The following OR8G1 variants were observed in gnomAD, a reference collection of about 807,000 sequenced individuals.
The protein encoded by OR8G1 is olfactory receptor 8G1.
For synonymous variants in OR8G1, 129 were observed against 133.3 expected, an observed-to-expected ratio of 0.97 and a Z score of 0.22; for missense variants, 372 against 356.2, an observed-to-expected ratio of 1.04 and a Z score of -0.36.
In OR8G1 at chr11:124,250,126, A is replaced by T; in HGVS notation, c.451A>T (p.Ile151Leu). 6.2e-7 allele frequency: 1 copy of T among 1,613,746 alleles called. No homozygotes were observed. The highest frequency in any genetic ancestry group is 8.5e-7 in the Non-Finnish European group (1 of 1,179,808). ...CFSLILGVYI[I>L]GLVCASVHTG... ...TTCTCTGATTTTAGGGGTGTATATAATAGGCCTGGTTTGTGCATCAGTTCA... is the reference window on the plus strand; with the variant it reads ...TTCTCTGATTTTAGGGGTGTATATATTAGGCCTGGTTTGTGCATCAGTTCA... Residue 151 changes from isoleucine (I) to leucine (L), a missense_variant, in exon 3 of 3, where the codon ATA becomes TTA. Ile to Leu is a conservative substitution (Grantham distance 5). Transcript: ENST00000641972.
chr11:124,250,177 T>C lies in OR8G1; in HGVS notation c.502T>C (p.Phe168Leu), dbSNP rs201025260. 651 of 1,613,720 alleles carry C rather than the reference T, an allele frequency of 4.0e-4. No individual in the cohort carries two copies. Among genetic ancestry groups the C allele is most frequent in the Admixed American group, 5.2e-4 (31 of 59,904 alleles). The change falls in exon 3 of 3, where the codon TTC (phenylalanine) becomes CTC (leucine). Residue 168 changes from phenylalanine to leucine, a missense_variant. Transcript: ENST00000641972. ...TACAGGCTGTATGTTTAGGGTTCAATTCTGCAAATTTGATTTGATTAACCA... is the reference window on the plus strand; with the variant it reads ...TACAGGCTGTATGTTTAGGGTTCAACTCTGCAAATTTGATTTGATTAACCA... ...VHTGCMFRVQ[F>L]CKFDLINHYF...
chr11:124,250,540 A>G lies in OR8G1; in HGVS notation c.865A>G (p.Ile289Val). Residue 289 changes from isoleucine (I) to valine (V), a missense_variant, in exon 3 of 3, where the codon ATT (isoleucine) becomes GTT (valine). Physicochemically the swap from Ile to Val is conservative, Grantham distance 29. Transcript: ENST00000641972. ...TIIVPMLNPLIYSLRNKDVHV... is the reference protein window; with the variant it reads ...TIIVPMLNPLVYSLRNKDVHV... Reference sequence around the variant, plus strand: ...TATTGTGCCCATGTTGAACCCTCTGATTTATAGCCTGAGGAATAAAGATGT... The same window carrying G: ...TATTGTGCCCATGTTGAACCCTCTGGTTTATAGCCTGAGGAATAAAGATGT... 2 of 1,181,402 alleles carry G rather than the reference A, an allele frequency of 1.7e-6. 1 individual carries two copies. Among genetic ancestry groups the G allele is most frequent in the South Asian group, 4.3e-5 (2 of 46,608 alleles). The allele number at this position is 1,181,402 out of a possible 1,614,324, so 73.2% of individuals were successfully genotyped here. A position where few individuals can be genotyped will look rare whatever the true frequency, so the allele number is the denominator to read the frequency against.
At chr11:124,244,225 A>G (rs1452365807) in intron 1 of OR8G1, among the ~76,000 whole-genome samples, 1 of 152,008 alleles carries the variant, frequency 6.6e-6, no homozygotes, top group African/African-American at 2.4e-5. Context: ...TACTGGAACT[A>G]TTCTACAAAG....
At position 124,252,334 on chromosome 11, in the gene OR8G1, CTAAGTA is replaced by C. The variant is rs928033754; in HGVS notation, c.*1727_*1732del. 1.2e-4 allele frequency: 19 copies of C among 152,118 alleles called. No homozygotes were observed. The South Asian group carries it at 1.9e-3, about 15-fold the overall frequency. The allele number at this position is 152,118 out of a possible 1,614,324, so 9.4% of individuals were successfully genotyped here. A position where few individuals can be genotyped will look rare whatever the true frequency, so the allele number is the denominator to read the frequency against. ...TACTTATTTGCTATTACTAGTGTAT[CTAAGTA>C]TAACTAGTGAAAAAATTGCCAGGAT... On this transcript the variant is annotated 3_prime_UTR_variant, in exon 3 of 3. Coordinates refer to ENST00000641972, the MANE Select transcript of OR8G1 (RefSeq NM_001002905.2).
At chr11:124,244,287 A>T (rs1262756567) in intron 1 of OR8G1, among the ~76,000 whole-genome samples, 1 of 151,972 alleles carries the variant, frequency 6.6e-6, no homozygotes, top group Non-Finnish European at 1.5e-5. Flanking sequence ...GTGATTCAGG[A>T]ACTTTTATTT....
Position 124,254,125 on chromosome 11 carries a change from C to T in OR8G1, c.*3514C>T, listed in dbSNP as rs1302101082. 1 of 152,090 alleles carries T rather than the reference C, an allele frequency of 6.6e-6. No individual in the cohort carries two copies. The highest frequency in any genetic ancestry group is 2.4e-5 in the African/African-American group (1 of 41,432). The allele number at this position is 152,090 out of a possible 1,614,324, so 9.4% of individuals were successfully genotyped here. A position where few individuals can be genotyped will look rare whatever the true frequency, so the allele number is the denominator to read the frequency against. On this transcript the variant is annotated 3_prime_UTR_variant, in exon 3 of 3. Coordinates refer to ENST00000641972, the MANE Select transcript of OR8G1 (RefSeq NM_001002905.2). ...TTTTGAGGAAGCTTTATGCTGTTTT[C>T]CATAATGACTGTACTAATTTACATT...
At position 124,252,248 on chromosome 11, in the gene OR8G1, G is replaced by A. The variant is rs1214044556; in HGVS notation, c.*1637G>A. The A allele has an allele frequency of 1.3e-5, 2 of 152,102 alleles. No individual in the cohort carries two copies. The highest frequency in any genetic ancestry group is 4.8e-5 in the African/African-American group (2 of 41,420). The allele number at this position is 152,102 out of a possible 1,614,324, so 9.4% of individuals were successfully genotyped here. On this transcript the variant is annotated 3_prime_UTR_variant, in exon 3 of 3. Transcript: ENST00000641972. ...AACCTGAGTCTGGGAAGATTCAACTGTTAATCTATTTCTTCCATGTGGAGC... is the reference window on the plus strand; with the variant it reads ...AACCTGAGTCTGGGAAGATTCAACTATTAATCTATTTCTTCCATGTGGAGC...
In OR8G1 at chr11:124,250,089, T is replaced by C; in HGVS notation, c.414T>C (p.Asn138=). Reference sequence around the variant, plus strand: ...TGCTGTACAGTGTCATCATATCCAATAAGGCTTGCTTTTCTCTGATTTTAG... The same window carrying C: ...TGCTGTACAGTGTCATCATATCCAACAAGGCTTGCTTTTCTCTGATTTTAG... ...SPLLYSVIIS[N]KACFSLILGV... is the part of the protein sequence containing the mutation. Residue 138 remains asparagine, a synonymous_variant, in exon 3 of 3, where the codon AAT becomes AAC. Coordinates refer to ENST00000641972, the MANE Select transcript of OR8G1 (RefSeq NM_001002905.2). 1 of 1,613,814 alleles carries C rather than the reference T, an allele frequency of 6.2e-7. No homozygotes were observed. The highest frequency in any genetic ancestry group is 1.1e-5 in the South Asian group (1 of 91,084).
At chr11:124,247,306 T>C (rs949446164) in intron 1 of OR8G1, among the ~76,000 whole-genome samples, 2 of 151,842 alleles carry the variant, frequency 1.3e-5, no homozygotes, top group African/African-American at 4.8e-5. Flanking sequence ...CATAAATTAC[T>C]GATTTTAGGA....
In OR8G1 at chr11:124,247,944, C is replaced by T. The variant is rs1290751461; in HGVS notation, c.-17+64C>T. ...TCTGTTTAAATTTATACTAAATTGC[C>T]AACATCTTTTCCAAAGTGGTTGGAC... On this transcript the variant is annotated intron_variant, in intron 2 of 2. Coordinates refer to ENST00000641972, the MANE Select transcript of OR8G1 (RefSeq NM_001002905.2). 3 of 151,806 alleles carry T rather than the reference C, an allele frequency of 2.0e-5. No individual in the cohort carries two copies. The East Asian group carries it at 5.8e-4, about 29-fold the overall frequency. The allele number at this position is 151,806 out of a possible 1,614,324, so 9.4% of individuals were successfully genotyped here. A position where few individuals can be genotyped will look rare whatever the true frequency, so the allele number is the denominator to read the frequency against.
chr11:124,249,674 A>T lies in OR8G1; in HGVS notation c.-2A>T. On this transcript the variant is annotated 5_prime_UTR_variant, in exon 3 of 3. Transcript: ENST00000641972. ...TCTTCCTGCAGAAACTGACTGGAGG[A>T]GATGTCAGGAGAAAATAATTCCTCA... 2.5e-6 allele frequency: 4 copies of T among 1,611,520 alleles called. No individual in the cohort carries two copies. The highest frequency in any genetic ancestry group is 3.4e-6 in the Non-Finnish European group (4 of 1,178,664).
intron 2 of OR8G1, among the ~76,000 whole-genome samples, 154 bp downstream of exon 2, chr11:124,248,034 A>T (rs1452117970): frequency 1.3e-5 from 2 of 151,852 alleles, no homozygotes; most frequent in East Asian, 3.9e-4. Context: ...GTATTGTTGG[A>T]GTTGTTTCAT....
At position 124,252,497 on chromosome 11, in the gene OR8G1, T is replaced by A. The variant is rs1861874985; in HGVS notation, c.*1886T>A. The A allele has an allele frequency of 6.6e-6, 1 of 152,180 alleles. No homozygotes were observed. Among genetic ancestry groups the A allele is most frequent in the Admixed American group, 6.6e-5 (1 of 15,262 alleles). The allele number at this position is 152,180 out of a possible 1,614,324, so 9.4% of individuals were successfully genotyped here. A position where few individuals can be genotyped will look rare whatever the true frequency, so the allele number is the denominator to read the frequency against. ...TATGTTCTCTTTCAGAAAAACTATCTCTTTTTCTTCTTAGCTTGCATTGCT... is the reference window on the plus strand; with the variant it reads ...TATGTTCTCTTTCAGAAAAACTATCACTTTTTCTTCTTAGCTTGCATTGCT... On this transcript the variant is annotated 3_prime_UTR_variant, in exon 3 of 3. Transcript: ENST00000641972.
rs752802783 is a variant in OR8G1 at position 124,249,825 on chromosome 11, G to C, written c.150G>C (p.Trp50Cys). 6 of 1,613,938 alleles carry C rather than the reference G, an allele frequency of 3.7e-6. No individual in the cohort carries two copies. The highest frequency in any genetic ancestry group is 5.1e-6 in the Non-Finnish European group (6 of 1,179,958). The change falls in exon 3 of 3, where the codon TGG becomes TGC. Residue 50 changes from tryptophan to cysteine, a missense_variant. Trp to Cys is a radical substitution (Grantham distance 215). Transcript: ENST00000641972. ...VGNLGMTTLI[W>C]LSSHLHTPMY... is the part of the protein sequence containing the mutation. ...ACCTGGGCATGACCACACTGATTTG[G>C]CTCAGTTCTCACCTGCACACCCCTA...
At chr11:124,242,649 T>A (rs1861771689) in intron 1 of OR8G1, among the ~76,000 whole-genome samples, 1 of 152,044 alleles carries the variant, frequency 6.6e-6, no homozygotes, top group Non-Finnish European at 1.5e-5. Context: ...TTATTTTTTT[T>A]ATAAATGAAA....
chr11:124,249,668 T>A lies in OR8G1; in HGVS notation c.-8T>A. 6.2e-7 allele frequency: 1 copy of A among 1,610,704 alleles called. No individual in the cohort carries two copies. The highest frequency in any genetic ancestry group is 1.1e-5 in the South Asian group (1 of 90,802). On this transcript the variant is annotated 5_prime_UTR_variant, in exon 3 of 3. Transcript: ENST00000641972. ...TTTTTCTCTTCCTGCAGAAACTGAC[T>A]GGAGGAGATGTCAGGAGAAAATAAT...
chr11:124,250,267 C>A lies in OR8G1; in HGVS notation c.592C>A (p.Leu198Ile). 11 of 1,613,754 alleles carry A rather than the reference C, an allele frequency of 6.8e-6. No homozygotes were observed. The highest frequency in any genetic ancestry group is 1.7e-5 in the Admixed American group (1 of 59,926). The change falls in exon 3 of 3, where the codon CTT (leucine) becomes ATT (isoleucine). Residue 198 changes from leucine (L) to isoleucine (I), a missense_variant. Coordinates refer to ENST00000641972, the MANE Select transcript of OR8G1 (RefSeq NM_001002905.2). Reference sequence around the variant, plus strand: ...CTCTAGTATCTATGTCAACAAACTACTTATTCTATGTGTTGGTGCATTTAA... The same window carrying A: ...CTCTAGTATCTATGTCAACAAACTAATTATTCTATGTGTTGGTGCATTTAA... ...SCSSIYVNKL[L>I]ILCVGAFNIL... is the part of the protein sequence containing the mutation.
Position 124,253,128 on chromosome 11 carries a change from CTATT to C in OR8G1, c.*2521_*2524del, listed in dbSNP as rs765903388. On this transcript the variant is annotated 3_prime_UTR_variant, in exon 3 of 3. Transcript: ENST00000641972. ...CAATAATTTAAAGTCCGTTAGAAAA[CTATT>C]TATGTTTGCTGAGTGCAGTGGCTCA... 2.1e-4 allele frequency: 32 copies of C among 152,264 alleles called. No homozygotes were observed. Among genetic ancestry groups the C allele is most frequent in the Non-Finnish European group, 4.0e-4 (27 of 68,012 alleles). The allele number at this position is 152,264 out of a possible 1,614,324, so 9.4% of individuals were successfully genotyped here.
In OR8G1 at chr11:124,250,803, G is replaced by T; in HGVS notation, c.*192G>T. ...GGGGTTTTAACTCATATGTATCAATGAGACACAAATTAATATAAATACTAA... is the reference window on the plus strand; with the variant it reads ...GGGGTTTTAACTCATATGTATCAATTAGACACAAATTAATATAAATACTAA... On this transcript the variant is annotated 3_prime_UTR_variant, in exon 3 of 3. Coordinates refer to ENST00000641972, the MANE Select transcript of OR8G1 (RefSeq NM_001002905.2). 6.9e-6 allele frequency: 2 copies of T among 288,032 alleles called. No homozygotes were observed. 17.8% of individuals were successfully genotyped at this position (288,032 alleles called of 1,614,324 possible). A position where few individuals can be genotyped will look rare whatever the true frequency, so the allele number is the denominator to read the frequency against.
Sources: gnomAD v4.1 joint callset for allele counts (sites outside exome capture counted in the v4.1 genomes callset) on GRCh38, gnomAD v4.1.1 for gene constraint, MANE v1.5 for transcripts, NCBI Gene and HGNC (gene_info 2026-07-23, HGNC 2026-07-21) for gene names.